The following SHISA6 variants were observed in gnomAD, a reference collection of about 807,000 sequenced individuals.
SHISA6 encodes the protein protein shisa-6.
SHISA6 carries 22 observed loss-of-function variants against 47.9 expected under a neutral mutation model. The observed-to-expected ratio is 0.46, with a 90% confidence interval of 0.33 to 0.66. The LOEUF (loss-of-function observed/expected upper bound fraction) is 0.66. Ranked by LOEUF, SHISA6 falls within the 30% of genes least tolerant of loss-of-function variation. SHISA6 has a pLI of 0.02. For synonymous variants in SHISA6, 388 were observed against 337.8 expected (o/e 1.15, Z -1.63); for missense variants, 680 against 764.6 (o/e 0.89, Z 1.30).
At chr17:11,350,206 G>C (rs1281851407) in intron 2 of SHISA6, among the ~76,000 whole-genome samples, 1 of 105,036 alleles carries the variant, frequency 9.5e-6, no homozygotes, top group Admixed American at 1.2e-4. Context: ...TTGAGACGGA[G>C]TCTCGCTCTG....
chr17:11,344,671 A>G (rs1911637247), intron 2 of SHISA6, among the ~76,000 whole-genome samples: 1 of 152,148 alleles, frequency 6.6e-6, no homozygotes, highest in Admixed American at 6.5e-5. Flanking sequence ...ATAATTGTAC[A>G]TATTTGTGGG....
intron 2 of SHISA6, among the ~76,000 whole-genome samples, chr17:11,374,708 T>G (rs959941181): frequency 5.3e-5 from 8 of 152,052 alleles, no homozygotes; most frequent in Admixed American, 3.3e-4. Flanking sequence ...TCCTAAATAA[T>G]ACTAGTAGCC....
chr17:11,355,498 G>A (rs1260277577), intron 2 of SHISA6, among the ~76,000 whole-genome samples: 1 of 152,206 alleles, frequency 6.6e-6, no homozygotes, highest in African/African-American at 2.4e-5. Context: ...AAACCAGCCA[G>A]GTGGGAAGCC....
In SHISA6 at chr17:11,506,798, A is replaced by G. The variant is rs141969675; in HGVS notation, c.896-45098A>G. Among the ~76,000 whole-genome samples, 958 of 152,288 alleles carry G rather than the reference A, an allele frequency of 6.3e-3. 12 individuals are homozygous for G. The highest frequency in any genetic ancestry group is 0.022 in the African/African-American group (917 of 41,544). The stretch of plus-strand genomic sequence containing the variant: ...GACCCTTCCTTTTATGCCCACTCAC[A>G]CTTCAAGTTTTACAAAACAAAGTTC... On this transcript the variant is annotated intron_variant, in intron 3 of 5. Transcript: ENST00000441885.
intron 3 of SHISA6, among the ~76,000 whole-genome samples, chr17:11,548,025 T>C (rs938922945): frequency 6.6e-5 from 10 of 152,046 alleles, no homozygotes; most frequent in African/African-American, 2.4e-4. Context: ...TACATAACAT[T>C]ACATAGTTAA....
chr17:11,509,480 A>T (rs2071526054), intron 3 of SHISA6, among the ~76,000 whole-genome samples: 1 of 152,044 alleles, frequency 6.6e-6, no homozygotes, highest in African/African-American at 2.4e-5. Flanking sequence ...GCCTGAGGTC[A>T]CCTCCCTCCT....
chr17:11,286,871 T>A (rs1049712964), intron 2 of SHISA6, among the ~76,000 whole-genome samples: 1 of 152,188 alleles, frequency 6.6e-6, no homozygotes, highest in Non-Finnish European at 1.5e-5. Flanking sequence ...CCAGCTCTTA[T>A]CAGAATGATA....
intron 3 of SHISA6, among the ~76,000 whole-genome samples, chr17:11,446,372 C>T (rs16944757): frequency 0.014 from 2,112 of 152,286 alleles, 40 homozygotes; most frequent in African/African-American, 0.047. Flanking sequence ...TGGAATCGTC[C>T]TCAAAGACAC....
intron 2 of SHISA6, among the ~76,000 whole-genome samples, chr17:11,264,681 AT>A (rs1304758323): frequency 2.0e-5 from 3 of 152,176 alleles, no homozygotes; most frequent in African/African-American, 7.2e-5. Flanking sequence ...TGCAATAAGG[AT>A]ATATAGCCAC....
Position 11,241,315 on chromosome 17 carries a change from C to A in SHISA6, c.-108C>A. On this transcript the variant is annotated 5_prime_UTR_variant, in exon 1 of 6. Coordinates refer to ENST00000441885, the MANE Select transcript of SHISA6 (RefSeq NM_207386.4). The surrounding 1 kb of genome is among the most constrained non-coding windows in gnomAD (Gnocchi z 5.5). ...GGCGCCATCGCCCCGGAGCCGCTGA[C>A]CGCTCAGCGCCTCCAGCCCGGCCCG... 1.5e-6 allele frequency: 1 copy of A among 674,578 alleles called. No individual in the cohort carries two copies. The highest frequency in any genetic ancestry group is 1.8e-6 in the Non-Finnish European group (1 of 546,168). The allele number at this position is 674,578 out of a possible 1,614,324, so 41.8% of individuals were successfully genotyped here.
chr17:11,395,244 C>T (rs935455320), intron 3 of SHISA6, among the ~76,000 whole-genome samples: 2 of 151,680 alleles, frequency 1.3e-5, no homozygotes, highest in African/African-American at 2.4e-5. Context: ...TTTATTCAAA[C>T]GTACCACTAG....
intron 3 of SHISA6, among the ~76,000 whole-genome samples, chr17:11,473,919 C>T (rs1915989691): frequency 6.6e-6 from 1 of 151,890 alleles, no homozygotes; most frequent in African/African-American, 2.4e-5. Flanking sequence ...GCCAGTCATC[C>T]CCCAACAGGC....
At chr17:11,294,716 G>A (rs1243491115) in intron 2 of SHISA6, among the ~76,000 whole-genome samples, 1 of 151,922 alleles carries the variant, frequency 6.6e-6, no homozygotes, top group East Asian at 1.9e-4. Context: ...TGAAACCAAG[G>A]ATGGTACCAA....
intron 3 of SHISA6, among the ~76,000 whole-genome samples, chr17:11,501,732 A>G (rs1006449521): frequency 6.6e-6 from 1 of 152,078 alleles, no homozygotes. Flanking sequence ...AAAGAGAGAT[A>G]TGAGTGCTGC....
intron 2 of SHISA6, among the ~76,000 whole-genome samples, chr17:11,316,419 CT>C (rs551048325): frequency 1.9e-3 from 108 of 56,872 alleles, no homozygotes; most frequent in African/African-American, 6.3e-3. Context: ...CTCTCTCTCT[CT>C]TTTTTTTTTT....
chr17:11,492,114 T>C (rs1192888539), intron 3 of SHISA6, among the ~76,000 whole-genome samples: 2 of 152,134 alleles, frequency 1.3e-5, no homozygotes, highest in Non-Finnish European at 2.9e-5. Flanking sequence ...GAGCAGAGTC[T>C]TGGGTGGAAT....
intron 3 of SHISA6, among the ~76,000 whole-genome samples, chr17:11,469,085 A>G (rs533773580): frequency 6.6e-6 from 1 of 151,994 alleles, no homozygotes; most frequent in East Asian, 1.9e-4. Context: ...CCAAAGACAG[A>G]AGACAGCATC....
chr17:11,514,281 T>C (rs1010852867), intron 3 of SHISA6, among the ~76,000 whole-genome samples: 1 of 152,212 alleles, frequency 6.6e-6, no homozygotes, highest in African/African-American at 2.4e-5. Flanking sequence ...TTTTGTTTTG[T>C]TTTGTCTTCC....
chr17:11,279,997 G>C (rs1010991005), intron 2 of SHISA6, among the ~76,000 whole-genome samples: 1 of 152,166 alleles, frequency 6.6e-6, no homozygotes, highest in African/African-American at 2.4e-5. Context: ...CCTCAGGTCT[G>C]TGGGCTCGAG....
Sources: allele counts gnomAD v4.1 joint callset (sites outside exome capture counted in the v4.1 genomes callset), GRCh38; gene constraint gnomAD v4.1.1; non-coding constraint Gnocchi (gnomAD v3.1); transcripts MANE v1.5; gene names NCBI Gene and HGNC (gene_info 2026-07-23, HGNC 2026-07-21).